POLK: variants seen among roughly 807,000 people sequenced by gnomAD.
POLK encodes the protein DNA polymerase kappa, also known as polymerase (DNA directed) kappa.
POLK carries 76 observed loss-of-function variants against 94.0 expected under a neutral mutation model. The ratio of observed to expected loss-of-function variants is 0.81; its 90% CI spans 0.67 to 0.98. POLK has a LOEUF of 0.98. Ranked by LOEUF, POLK falls within the 50% of genes least tolerant of loss-of-function variation. POLK has a pLI of 0.00. For synonymous variants in POLK, 349 were observed against 325.4 expected, an observed-to-expected ratio of 1.07 and a Z score of -0.78; for missense variants, 954 against 1,010.1, an observed-to-expected ratio of 0.94 and a Z score of 0.75.
chr5:75,575,472 T>C (rs1287613530), intron 5 of POLK, among the ~76,000 whole-genome samples: 1 of 152,226 alleles, frequency 6.6e-6, no homozygotes, highest in Non-Finnish European at 1.5e-5. Context: ...TGAGCCATCA[T>C]GCCCAGTTAG....
At chr5:75,513,360 G>A (rs1024856285) in intron 1 of POLK, among the ~76,000 whole-genome samples, 1 of 151,970 alleles carries the variant, frequency 6.6e-6, no homozygotes, top group Non-Finnish European at 1.5e-5. Flanking sequence ...TTTATCTGTT[G>A]ATTTTTACCA....
rs548508391 is a variant in POLK, at chr5:75,564,131, C to T, written c.256-5209C>T. The stretch of plus-strand genomic sequence containing the variant: ...AGTTAGCTCTTCTTGTTACATTGAT[C>T]CCTTTACCATTATGTAATGCCCTTC... On this transcript the variant is annotated intron_variant, in intron 3 of 14. Transcript: ENST00000241436. Among the ~76,000 whole-genome samples, 6 of 152,242 alleles carry T rather than the reference C, an allele frequency of 3.9e-5. No homozygotes were observed. In the South Asian group the frequency reaches 6.2e-4, roughly 16 times the overall value.
Position 75,576,769 on chromosome 5 carries a change from T to G in POLK, c.541-11T>G. The G allele has an allele frequency of 1.4e-6, 2 of 1,446,144 alleles. No individual in the cohort carries two copies. Among genetic ancestry groups the G allele is most frequent in the Non-Finnish European group, 1.8e-6 (2 of 1,090,276 alleles). 89.6% of individuals were successfully genotyped at this position (1,446,144 alleles called of 1,614,324 possible). A position where few individuals can be genotyped will look rare whatever the true frequency, so the allele number is the denominator to read the frequency against. ...CAGCAAAATTTAAACTTTTTTTTGT[T>G]TCCTTTGAAGGTTAAGGAAATACTT... On this transcript the variant is annotated splice_polypyrimidine_tract_variant and intron_variant, in intron 5 of 14. Coordinates refer to ENST00000241436, the Ensembl canonical transcript of POLK.
intron 1 of POLK, chr5:75,512,782 G>C (rs1245976044): frequency 6.6e-6 from 1 of 151,274 alleles, no homozygotes; most frequent in Non-Finnish European, 1.5e-5. Context: ...ACCTTAGAAA[G>C]AGTACTTTCT....
chr5:75,593,908 G>C, exon 12 of POLK: 1 of 1,596,962 alleles, frequency 6.3e-7, no homozygotes, highest in Non-Finnish European at 8.6e-7. Context: ...GTTGAAGAAT[G>C]TGAATTTTGA....
At chr5:75,603,642 A>T (rs1258468450), downstream of POLK, among the ~76,000 whole-genome samples, 1 of 152,130 alleles carries the variant, frequency 6.6e-6, no homozygotes, top group Non-Finnish European at 1.5e-5. Context: ...TAGCTCCTAT[A>T]TATCACTGTC....
chr5:75,586,932 A>C (rs570786872), intron 9 of POLK, 94 bp from the exon 10 acceptor site: 1 of 800,550 alleles, frequency 1.2e-6, no homozygotes. Context: ...AAAATTTGAG[A>C]GCTCTAAAAG....
intron 1 of POLK, among the ~76,000 whole-genome samples, chr5:75,545,920 A>G (rs962990591): frequency 1.3e-5 from 2 of 152,214 alleles, no homozygotes; most frequent in East Asian, 1.9e-4. Context: ...AATAATATCT[A>G]TCTTTCAGGG....
chr5:75,511,602 C>A, upstream of POLK: 2 of 1,467,278 alleles, frequency 1.4e-6, no homozygotes. Flanking sequence ...CCGCTACCGC[C>A]GCCATCTTCC....
intron 10 of POLK, 97 bp downstream of exon 10, chr5:75,587,155 C>G: frequency 5.4e-6 from 4 of 746,030 alleles, no homozygotes; most frequent in Non-Finnish European, 8.8e-6. Context: ...AATAAGAAAT[C>G]TATTTGCAAA....
intron 1 of POLK, among the ~76,000 whole-genome samples, chr5:75,546,596 T>G (rs1159193830): frequency 6.6e-6 from 1 of 152,080 alleles, no homozygotes; most frequent in African/African-American, 2.4e-5. Flanking sequence ...GCATAACGGA[T>G]GTACATGGTC....
In POLK at chr5:75,518,092, T is replaced by TG. The variant is rs576753847; in HGVS notation, c.-14+6179dup. On this transcript the variant is annotated intron_variant, in intron 1 of 14. Coordinates refer to ENST00000241436, the Ensembl canonical transcript of POLK. Reference sequence around the variant, plus strand: ...AATATTGGCCTGTAGTTTTCTTTTTTGTTGTGTCCTTATTTGGTTTTGATA... The same window carrying TG: ...AATATTGGCCTGTAGTTTTCTTTTTTGGTTGTGTCCTTATTTGGTTTTGATA... 2.8e-4 allele frequency among the ~76,000 whole-genome samples: 43 copies of TG among 152,326 alleles called. 2 individuals carry two copies. The highest frequency in any genetic ancestry group is 6.8e-3 in the Middle Eastern group (2 of 294).
chr5:75,568,084 C>T (rs1430830663), intron 3 of POLK, among the ~76,000 whole-genome samples: 1 of 152,180 alleles, frequency 6.6e-6, no homozygotes, highest in African/African-American at 2.4e-5. Context: ...ACATATACAC[C>T]TATAGCTCTC....
At chr5:75,583,211 T>C (rs1057509607) in intron 7 of POLK, 82 bp from the exon 8 acceptor site, 96 of 1,016,310 alleles carry the variant, frequency 9.4e-5, no homozygotes, top group Non-Finnish European at 1.2e-4. Context: ...TGCAATTAAC[T>C]TTTTTTTTCT....
At chr5:75,539,548 T>G (rs544877698) in intron 1 of POLK, among the ~76,000 whole-genome samples, 1 of 152,312 alleles carries the variant, frequency 6.6e-6, no homozygotes, top group Admixed American at 6.5e-5. Context: ...CAGACTGGAA[T>G]GCAGTGGCAC....
At chr5:75,608,515 C>T in the POLK span, among the ~76,000 whole-genome samples, 2 of 152,086 alleles carry the variant, frequency 1.3e-5, no homozygotes, top group Non-Finnish European at 2.9e-5. Flanking sequence ...TTAAAAATCA[C>T]TGTATTTATG....
At chr5:75,598,444 A>G (rs1773201549) in exon 15 of POLK, 1 of 152,878 alleles carries the variant, frequency 6.5e-6, no homozygotes, top group Non-Finnish European at 1.5e-5. Context: ...AGCATTCATA[A>G]TTAAAATTTA....
intron 1 of POLK, among the ~76,000 whole-genome samples, chr5:75,518,306 C>T (rs1236925009): frequency 1.3e-5 from 2 of 152,028 alleles, no homozygotes; most frequent in Non-Finnish European, 2.9e-5. Context: ...TTGCAGCTTC[C>T]ATCTTATTAC....
intron 3 of POLK, among the ~76,000 whole-genome samples, chr5:75,566,510 A>G (rs1311499965): frequency 2.0e-5 from 3 of 152,178 alleles, no homozygotes; most frequent in South Asian, 4.1e-4. Context: ...ACCCCGTGAA[A>G]TCTCCTGGTC....
Sources: gnomAD v4.1 joint callset for allele counts (sites outside exome capture counted in the v4.1 genomes callset) on GRCh38, gnomAD v4.1.1 for gene constraint, MANE v1.5 for transcripts, NCBI Gene and HGNC (gene_info 2026-07-23, HGNC 2026-07-21) for gene names.